PXDC1: variants seen among roughly 807,000 people sequenced by gnomAD.
PXDC1 encodes the protein PX domain-containing protein 1.
In PXDC1, 13 loss-of-function variants were observed where a neutral mutation model predicts 24.4. The observed-to-expected ratio is 0.53, with a 90% CI of 0.35 to 0.85. The LOEUF (loss-of-function observed/expected upper bound fraction) is 0.85, where lower values mean the gene tolerates loss of function less well. PXDC1 is among the 40% of genes least tolerant of loss of function. PXDC1 has a pLI of 0.01. For synonymous variants in PXDC1, 162 were observed against 124.9 expected, an observed-to-expected ratio of 1.30 and a Z score of -1.98; for missense variants, 344 against 309.3, an observed-to-expected ratio of 1.11 and a Z score of -0.84.
intron 3 of PXDC1, among the ~76,000 whole-genome samples, chr6:3,730,003 C>A (rs1760159698): frequency 6.6e-6 from 1 of 152,218 alleles, no homozygotes; most frequent in South Asian, 2.1e-4. Flanking sequence ...GATTTGTAAG[C>A]AATCCTTCCT....
chr6:3,748,535 G>C (rs948782480), intron 1 of PXDC1, among the ~76,000 whole-genome samples: 2 of 152,156 alleles, frequency 1.3e-5, no homozygotes, highest in Admixed American at 1.3e-4. Context: ...ACAAGGCCCA[G>C]GGATGGCCTC....
chr6:3,727,210 C>T (rs2127597867), intron 4 of PXDC1, among the ~76,000 whole-genome samples: 1 of 152,376 alleles, frequency 6.6e-6, no homozygotes, highest in African/African-American at 2.4e-5. Context: ...AACATGTCCC[C>T]ATCTCAGGGA....
At position 3,751,458 on chromosome 6, in the gene PXDC1, C is replaced by A. The variant is rs773653374; in HGVS notation, c.74G>T (p.Arg25Leu). 1.2e-6 allele frequency: 2 copies of A among 1,601,866 alleles called. No individual in the cohort carries two copies. The highest frequency in any genetic ancestry group is 2.3e-5 in the South Asian group (2 of 88,886). The change falls in exon 1 of 5, where the codon CGC (arginine) becomes CTC (leucine). Residue 25 changes from arginine to leucine, a missense_variant. Coordinates refer to ENST00000380283, the MANE Select transcript of PXDC1 (RefSeq NM_183373.4). Reference sequence around the variant, plus strand: ...GCCGCGCCGGCTGACGATGAGCCTGCGGATGCCGTTCACCCAGCAGCCGCG... The same window carrying A: ...GCCGCGCCGGCTGACGATGAGCCTGAGGATGCCGTTCACCCAGCAGCCGCG... ...FVRGCWVNGI[R>L]RLIVSRRGDE...
chr6:3,741,851 A>G (rs1760455573), intron 1 of PXDC1, among the ~76,000 whole-genome samples: 1 of 152,170 alleles, frequency 6.6e-6, no homozygotes, highest in African/African-American at 2.4e-5. Context: ...CTCCCCTTCA[A>G]TTGTTTTTAA....
chr6:3,737,077 A>G lies in PXDC1; in HGVS notation c.466+2T>C. The stretch of plus-strand genomic sequence containing the variant: ...CACCAACGCCTCCTTTGTGGCTCTT[A>G]CCTGATATTTTGACTGGACTTTGAA... On this transcript the variant is annotated splice_donor_variant, in intron 3 of 4. Transcript: ENST00000380283. LOFTEE classifies it high-confidence loss of function. The surrounding 1 kb of genome is among the most constrained non-coding windows in gnomAD (Gnocchi z 5.5). The G allele has an allele frequency of 6.3e-7, 1 of 1,576,030 alleles. No homozygotes were observed. Among genetic ancestry groups the G allele is most frequent in the Non-Finnish European group, 8.7e-7 (1 of 1,145,234 alleles).
chr6:3,728,319 C>A lies in PXDC1; in HGVS notation c.467-657G>T, dbSNP rs1324685310. On this transcript the variant is annotated intron_variant, in intron 3 of 4. Coordinates refer to ENST00000380283, the MANE Select transcript of PXDC1 (RefSeq NM_183373.4). The surrounding 1 kb of genome is among the most constrained non-coding windows in gnomAD (Gnocchi z 4.0). ...CAAAGTCCATGATATCATTCTTATG[C>A]CTTCGCATCCTCATAGCTTAGCTCC... Among the ~76,000 whole-genome samples, 2 of 152,144 alleles carry A rather than the reference C, an allele frequency of 1.3e-5. No individual in the cohort carries two copies. The highest frequency in any genetic ancestry group is 6.5e-5 in the Admixed American group (1 of 15,272).
intron 1 of PXDC1, chr6:3,739,304 C>T (rs1760402651): frequency 4.1e-6 from 1 of 245,052 alleles, no homozygotes; most frequent in Non-Finnish European, 7.1e-6. Flanking sequence ...ACCGCAGGGG[C>T]ATCCCCATAA....
chr6:3,738,845 A>G, intron 1 of PXDC1: 1 of 1,303,378 alleles, frequency 7.7e-7, no homozygotes, highest in Non-Finnish European at 1.0e-6. Context: ...CCCCATGAGA[A>G]GCGCAGAGCA....
At chr6:3,726,679 G>C (rs149913975) in intron 4 of PXDC1, among the ~76,000 whole-genome samples, 1 of 152,220 alleles carries the variant, frequency 6.6e-6, no homozygotes, top group Non-Finnish European at 1.5e-5. Flanking sequence ...ACATGTGGCC[G>C]GCTCTAGTTT....
chr6:3,730,496 T>C (rs942859233), intron 3 of PXDC1, among the ~76,000 whole-genome samples: 3 of 151,710 alleles, frequency 2.0e-5, no homozygotes, highest in African/African-American at 7.3e-5. Flanking sequence ...GCTGTAGAAA[T>C]TAGAACACGT....
chr6:3,730,544 A>G lies in PXDC1; in HGVS notation c.467-2882T>C, dbSNP rs1462807656. On this transcript the variant is annotated intron_variant, in intron 3 of 4. Transcript: ENST00000380283. ...AAAAAAAAAAGAAGAAAAAACATTTAGCTGTAGCAAGCCTCTAATTGTAGG... is the reference window on the plus strand; with the variant it reads ...AAAAAAAAAAGAAGAAAAAACATTTGGCTGTAGCAAGCCTCTAATTGTAGG... Among the ~76,000 whole-genome samples, 3 of 152,168 alleles carry G rather than the reference A, an allele frequency of 2.0e-5. No individual in the cohort carries two copies. In the East Asian group the frequency reaches 5.8e-4, roughly 29 times the overall value.
At chr6:3,743,157 A>T (rs1352801716) in intron 1 of PXDC1, among the ~76,000 whole-genome samples, 2 of 152,140 alleles carry the variant, frequency 1.3e-5, no homozygotes, top group Non-Finnish European at 2.9e-5. Context: ...GACCTTGGCC[A>T]TCTGACTCTA....
In PXDC1 at chr6:3,751,617, G is replaced by A; in HGVS notation, c.-86C>T. 1 of 1,387,042 alleles carries A rather than the reference G, an allele frequency of 7.2e-7. No individual in the cohort carries two copies. The highest frequency in any genetic ancestry group is 9.3e-7 in the Non-Finnish European group (1 of 1,077,470). The allele number at this position is 1,387,042 out of a possible 1,614,324, so 85.9% of individuals were successfully genotyped here. Reference sequence around the variant, plus strand: ...CGCGCCCCGGCCGGGGTCGTCCCGGGTCTGTCCGTGGCCGGGGTCGTCCGG... The same window carrying A: ...CGCGCCCCGGCCGGGGTCGTCCCGGATCTGTCCGTGGCCGGGGTCGTCCGG... On this transcript the variant is annotated 5_prime_UTR_variant, in exon 1 of 5. Transcript: ENST00000380283.
intron 1 of PXDC1, among the ~76,000 whole-genome samples, chr6:3,739,806 T>C (rs1339549425): frequency 6.6e-6 from 1 of 152,216 alleles, no homozygotes; most frequent in Non-Finnish European, 1.5e-5. Context: ...GCAATTTACA[T>C]AGAATTTCAA....
chr6:3,739,159 G>C, intron 1 of PXDC1: 2 of 1,141,750 alleles, frequency 1.8e-6, no homozygotes, highest in Non-Finnish European at 2.2e-6. Context: ...TCGTTGAATA[G>C]GTCTATAAGA....
At chr6:3,734,971 G>A (rs1220212260) in intron 3 of PXDC1, among the ~76,000 whole-genome samples, 1 of 152,114 alleles carries the variant, frequency 6.6e-6, no homozygotes, top group Non-Finnish European at 1.5e-5. Flanking sequence ...TGTAGTCCCA[G>A]CTACTTGGGA....
intron 3 of PXDC1, among the ~76,000 whole-genome samples, chr6:3,736,155 A>G (rs886242016): frequency 1.3e-5 from 2 of 151,962 alleles, no homozygotes; most frequent in Admixed American, 6.6e-5. Context: ...CTGGTCTCCC[A>G]ATTCCTTCTG....
intron 3 of PXDC1, among the ~76,000 whole-genome samples, chr6:3,736,618 C>CCCTT (rs1024660965): frequency 1.3e-5 from 2 of 152,206 alleles, no homozygotes; most frequent in Admixed American, 1.3e-4. Context: ...CCCCAGCTTC[C>CCCTT]CCTTCCTTCC....
Position 3,751,069 on chromosome 6 carries a change from G to A in PXDC1, c.256+207C>T, listed in dbSNP as rs1760702367. 6.3e-6 allele frequency: 3 copies of A among 477,022 alleles called. No homozygotes were observed. The South Asian group carries it at 1.2e-4, about 18-fold the overall frequency. The allele number at this position is 477,022 out of a possible 1,614,324, so 29.5% of individuals were successfully genotyped here. On this transcript the variant is annotated intron_variant, in intron 1 of 4. Coordinates refer to ENST00000380283, the MANE Select transcript of PXDC1 (RefSeq NM_183373.4). ...CCCATTTGGCTCCTCCGCCGGGGGC[G>A]CCCCCAGGCTGGGCAGGCTGGCTCC... is the stretch of plus-strand genomic sequence containing the variant.
Sources: allele counts gnomAD v4.1 joint callset (sites outside exome capture counted in the v4.1 genomes callset), GRCh38; gene constraint gnomAD v4.1.1; non-coding constraint Gnocchi (gnomAD v3.1); transcripts MANE v1.5; gene names NCBI Gene and HGNC (gene_info 2026-07-23, HGNC 2026-07-21).